ZNF740: variants seen among roughly 807,000 people sequenced by gnomAD.
The protein encoded by ZNF740 is oriLyt TD-element-binding protein 7.
Under a neutral mutation model 24.8 loss-of-function variants are expected in ZNF740, and 14 were observed. That is an observed-to-expected ratio of 0.56 (90% CI 0.37 to 0.88). The LOEUF (loss-of-function observed/expected upper bound fraction) is 0.88. ZNF740 is among the 40% of genes least tolerant of loss of function. The pLI is 0.00. For missense variants in ZNF740, 201 were observed against 247.9 expected (o/e 0.81, Z 1.27); for synonymous variants, 69 against 84.0 (o/e 0.82, Z 0.98).
Position 53,193,356 on chromosome 12 carries a change from G to A in ZNF740, c.*5766G>A, listed in dbSNP as rs752961994. On this transcript the variant is annotated 3_prime_UTR_variant, in exon 7 of 7. Coordinates refer to ENST00000416904, the MANE Select transcript of ZNF740 (RefSeq NM_001004304.4). ...TCACAGAGCCGACCTAGGCGGCCAG[G>A]GGCACAGCTGGAAGGGGAAGGCAAA... 1.9e-6 allele frequency: 3 copies of A among 1,578,970 alleles called. No individual in the cohort carries two copies. Among genetic ancestry groups the A allele is most frequent in the Non-Finnish European group, 2.6e-6 (3 of 1,158,740 alleles).
At chr12:53,183,303 C>CT (rs1229083740) in intron 2 of ZNF740, among the ~76,000 whole-genome samples, 1 of 152,188 alleles carries the variant, frequency 6.6e-6, no homozygotes, top group Non-Finnish European at 1.5e-5. Context: ...TGTAAGGAAA[C>CT]TAAGGCTTGC....
Position 53,190,469 on chromosome 12 carries a change from A to G in ZNF740, c.*2879A>G, listed in dbSNP as rs533478799. The G allele has an allele frequency of 2.6e-5, 4 of 152,952 alleles. No homozygotes were observed. In the East Asian group the frequency reaches 5.8e-4, roughly 22 times the overall value. 9.5% of individuals were successfully genotyped at this position (152,952 alleles called of 1,614,324 possible). On this transcript the variant is annotated 3_prime_UTR_variant, in exon 7 of 7. Transcript: ENST00000416904. The stretch of plus-strand genomic sequence containing the variant: ...GGCCCTACCAGCTCAGGCTATAAAC[A>G]GTCTGCTTTGCCCCAAGTCTTTTCC...
At chr12:53,182,985 T>G (rs962512470) in intron 2 of ZNF740, among the ~76,000 whole-genome samples, 3 of 152,192 alleles carry the variant, frequency 2.0e-5, no homozygotes, top group African/African-American at 7.2e-5. Flanking sequence ...CTCCAGAGCT[T>G]CTCCCAGCTT....
At position 53,193,766 on chromosome 12, in the gene ZNF740, G is replaced by A. The variant is rs1469817778; in HGVS notation, c.*6176G>A. Reference sequence around the variant, plus strand: ...TCACTGCAGTGGGGAGCCTGGGGCTGGGTGTCACTGCAATTACAGTCACAC... The same window carrying A: ...TCACTGCAGTGGGGAGCCTGGGGCTAGGTGTCACTGCAATTACAGTCACAC... On this transcript the variant is annotated 3_prime_UTR_variant, in exon 7 of 7. Transcript: ENST00000416904. The A allele has an allele frequency of 1.9e-6, 3 of 1,613,924 alleles. No individual in the cohort carries two copies. The highest frequency in any genetic ancestry group is 2.5e-6 in the Non-Finnish European group (3 of 1,180,018).
rs774277860 is a variant in ZNF740 at position 53,181,609 on chromosome 12, C to A, written c.-307-68C>A. 6 of 584,192 alleles carry A rather than the reference C, an allele frequency of 1.0e-5. No individual in the cohort carries two copies. In the East Asian group the frequency reaches 3.6e-4, roughly 35 times the overall value. 36.2% of individuals were successfully genotyped at this position (584,192 alleles called of 1,614,324 possible). ...GAGAGCGCCCAGCAAAAAAAAAATT[C>A]ATATCGCACGTTGTAATGGCCTGAA... is the stretch of plus-strand genomic sequence containing the variant. On this transcript the variant is annotated intron_variant, in intron 1 of 6. Transcript: ENST00000416904.
Position 53,180,752 on chromosome 12 carries a change from C to T in ZNF740, c.-393C>T, listed in dbSNP as rs1941546248. 4 of 1,266,224 alleles carry T rather than the reference C, an allele frequency of 3.2e-6. No individual in the cohort carries two copies. Among genetic ancestry groups the T allele is most frequent in the East Asian group, 6.3e-5 (1 of 15,832 alleles). The allele number at this position is 1,266,224 out of a possible 1,614,324, so 78.4% of individuals were successfully genotyped here. A position where few individuals can be genotyped will look rare whatever the true frequency, so the allele number is the denominator to read the frequency against. On this transcript the variant is annotated 5_prime_UTR_variant, in exon 1 of 7. Transcript: ENST00000416904. The stretch of plus-strand genomic sequence containing the variant: ...CTTGCCTCGGTCCCGGTGGGGGCAG[C>T]CGCGGCGGTGGGGTTGGCAGGGTGT...
In ZNF740 at chr12:53,191,613, A is replaced by C. The variant is rs763992669; in HGVS notation, c.*4023A>C. The C allele has an allele frequency of 6.8e-6, 11 of 1,613,532 alleles. No homozygotes were observed. In the South Asian group the frequency reaches 1.1e-4, roughly 16 times the overall value. ...GAGGATTGATGGTGGTCGTGATGGC[A>C]CTTTTGTAGAGAGGATTACTGTCCT... On this transcript the variant is annotated 3_prime_UTR_variant, in exon 7 of 7. Transcript: ENST00000416904.
At chr12:53,184,472 C>A (rs533291538) in intron 2 of ZNF740, among the ~76,000 whole-genome samples, 8 of 152,240 alleles carry the variant, frequency 5.3e-5, no homozygotes, top group South Asian at 4.1e-4. Flanking sequence ...AGGTGTGAGC[C>A]ACTGCACTCG....
rs1942084572 is a variant in ZNF740 at position 53,194,404 on chromosome 12, T to G, written c.*6814T>G. The stretch of plus-strand genomic sequence containing the variant: ...GGCAGAAAAGGACTCCAACCCCACC[T>G]TATGTCCTCTCCAGGTGTTCCCAAT... On this transcript the variant is annotated 3_prime_UTR_variant, in exon 7 of 7. Coordinates refer to ENST00000416904, the MANE Select transcript of ZNF740 (RefSeq NM_001004304.4). 3.9e-6 allele frequency: 6 copies of G among 1,548,044 alleles called. No individual in the cohort carries two copies. Among genetic ancestry groups the G allele is most frequent in the Non-Finnish European group, 5.3e-6 (6 of 1,130,754 alleles).
In ZNF740 at chr12:53,189,605, T is replaced by TA. The variant is rs1281393366; in HGVS notation, c.*2016dup. The TA allele has an allele frequency of 9.2e-5, 14 of 152,280 alleles. 2 individuals are homozygous for TA. The South Asian group carries it at 2.3e-3, about 25-fold the overall frequency. The allele number at this position is 152,280 out of a possible 1,614,324, so 9.4% of individuals were successfully genotyped here. On this transcript the variant is annotated 3_prime_UTR_variant, in exon 7 of 7. Coordinates refer to ENST00000416904, the MANE Select transcript of ZNF740 (RefSeq NM_001004304.4). ...AGGAGTGTTTGCTGCCATGTACTCTTACAGCTCTATGCTGACACTCCCATT... is the reference window on the plus strand; with the variant it reads ...AGGAGTGTTTGCTGCCATGTACTCTTAACAGCTCTATGCTGACACTCCCATT...
At chr12:53,181,412 C>T (rs1452393140) in intron 1 of ZNF740, 2 of 985,362 alleles carry the variant, frequency 2.0e-6, no homozygotes, top group Non-Finnish European at 2.4e-6. Flanking sequence ...CCCCTTCTTC[C>T]ATTCCTGAGA....
chr12:53,183,867 A>G (rs1441431289), intron 2 of ZNF740, among the ~76,000 whole-genome samples: 1 of 150,094 alleles, frequency 6.7e-6, no homozygotes, highest in African/African-American at 2.5e-5. Flanking sequence ...CTATAAATAC[A>G]AAAAAAAATA....
In ZNF740 at chr12:53,191,140, C is replaced by A. The variant is rs1464772094; in HGVS notation, c.*3550C>A. On this transcript the variant is annotated 3_prime_UTR_variant, in exon 7 of 7. Coordinates refer to ENST00000416904, the MANE Select transcript of ZNF740 (RefSeq NM_001004304.4). ...TCCGCAGCACTTGAGAATTCATAGG[C>A]CCTTTCCAGACCTGGCTTCCTGGGT... 8 of 235,988 alleles carry A rather than the reference C, an allele frequency of 3.4e-5. No homozygotes were observed. In the East Asian group the frequency reaches 6.9e-4, roughly 20 times the overall value. The allele number at this position is 235,988 out of a possible 1,614,324, so 14.6% of individuals were successfully genotyped here.
At position 53,191,699 on chromosome 12, in the gene ZNF740, C is replaced by A. The variant is rs1941951078; in HGVS notation, c.*4109C>A. 6.4e-7 allele frequency: 1 copy of A among 1,551,524 alleles called. No individual in the cohort carries two copies. Among genetic ancestry groups the A allele is most frequent in the Non-Finnish European group, 8.9e-7 (1 of 1,123,408 alleles). ...AGGATTCCTCGTCCCCTTTCTAGAC[C>A]TAAGAGGCCAGCCTTGAGCCGAATC... On this transcript the variant is annotated 3_prime_UTR_variant, in exon 7 of 7. Coordinates refer to ENST00000416904, the MANE Select transcript of ZNF740 (RefSeq NM_001004304.4).
intron 1 of ZNF740, 51 bp downstream of exon 1, chr12:53,180,888 T>C: frequency 1.7e-6 from 2 of 1,168,724 alleles, no homozygotes; most frequent in Non-Finnish European, 2.2e-6. Flanking sequence ...ACGGCAGCGC[T>C]TCAGTAGCTC....
Position 53,181,982 on chromosome 12 carries a change from G to C in ZNF740, c.-2G>C. 2 of 1,607,766 alleles carry C rather than the reference G, an allele frequency of 1.2e-6. No individual in the cohort carries two copies. Among genetic ancestry groups the C allele is most frequent in the Non-Finnish European group, 1.7e-6 (2 of 1,176,960 alleles). Reference sequence around the variant, plus strand: ...TTGGGTTGCCTTAAGTGAGAAATCAGCATGGCTCAGGTAAAAAGCTCTAGA... The same window carrying C: ...TTGGGTTGCCTTAAGTGAGAAATCACCATGGCTCAGGTAAAAAGCTCTAGA... On this transcript the variant is annotated 5_prime_UTR_variant, in exon 2 of 7. Coordinates refer to ENST00000416904, the MANE Select transcript of ZNF740 (RefSeq NM_001004304.4).
intron 6 of ZNF740, among the ~76,000 whole-genome samples, chr12:53,187,010 CAA>C (rs1314585266): frequency 6.6e-6 from 1 of 152,104 alleles, no homozygotes; most frequent in Non-Finnish European, 1.5e-5. Flanking sequence ...AAGACAAGAA[CAA>C]GAGATGAGAA....
intron 2 of ZNF740, among the ~76,000 whole-genome samples, chr12:53,182,341 G>A (rs1208301882): frequency 1.3e-5 from 2 of 152,210 alleles, no homozygotes; most frequent in African/African-American, 4.8e-5. Context: ...AATTTATTGA[G>A]TTCCTGTTGC....
At position 53,189,010 on chromosome 12, in the gene ZNF740, G is replaced by T. The variant is rs1941878295; in HGVS notation, c.*1420G>T. 6.6e-6 allele frequency: 1 copy of T among 152,296 alleles called. No homozygotes were observed. The highest frequency in any genetic ancestry group is 1.9e-4 in the East Asian group (1 of 5,192). The allele number at this position is 152,296 out of a possible 1,614,324, so 9.4% of individuals were successfully genotyped here. On this transcript the variant is annotated 3_prime_UTR_variant, in exon 7 of 7. Coordinates refer to ENST00000416904, the MANE Select transcript of ZNF740 (RefSeq NM_001004304.4). The stretch of plus-strand genomic sequence containing the variant: ...TGGCCCTCACCTTCAGGGAGGATGA[G>T]TGGAAAATAGCCTCCTCTTGCCCAA...
Sources: allele counts gnomAD v4.1 joint callset (sites outside exome capture counted in the v4.1 genomes callset), GRCh38; gene constraint gnomAD v4.1.1; transcripts MANE v1.5; gene names NCBI Gene and HGNC (gene_info 2026-07-23, HGNC 2026-07-21).